GRID1: variants seen among roughly 807,000 people sequenced by gnomAD.
The protein encoded by GRID1 is glutamate ionotropic receptor delta type subunit 1, also known as glutamate receptor ionotropic, delta-1.
Under a neutral mutation model 98.0 loss-of-function variants are expected in GRID1, and 28 were observed. The ratio of observed to expected loss-of-function variants is 0.29; its 90% CI spans 0.21 to 0.39. GRID1 has a LOEUF of 0.39. Among genes scored for constraint, GRID1 ranks in the 10% least tolerant of loss-of-function variants. The probability of loss-of-function intolerance (pLI) is 1.00; values close to 1 mark genes in which losing one functional copy is unlikely to be tolerated. For missense variants in GRID1, 1,111 were observed against 1,340.5 expected (o/e 0.83, Z 2.67); for synonymous variants, 553 against 538.5 (o/e 1.03, Z -0.37).
intron 2 of GRID1, among the ~76,000 whole-genome samples, chr10:86,233,070 G>A (rs1004834535): frequency 2.2e-4 from 34 of 152,118 alleles, no homozygotes; most frequent in African/African-American, 8.2e-4. Context: ...CTTCAGCCAG[G>A]CCTTTGCAGG....
rs779461467 is a variant in GRID1, at chr10:85,602,613, G to A, written c.2690C>T (p.Ser897Leu). ...DIAHKQISPA[S>L]IELSALEMGG... ...CATCTCCAGGGCCGAGAGCTCAATCGACGCTGGGGAAATCTGCTTGTGAGC... is the reference window on the plus strand; with the variant it reads ...CATCTCCAGGGCCGAGAGCTCAATCAACGCTGGGGAAATCTGCTTGTGAGC... The change falls in exon 16 of 16, where the codon TCG (serine) becomes TTG (leucine). Residue 897 changes from serine (S) to leucine (L), a missense_variant. Physicochemically the swap from Ser to Leu is moderately radical, Grantham distance 145. This residue lies in a region of GRID1 where 762 missense variants were observed against 869.1 expected (regional missense o/e 0.88). Coordinates refer to ENST00000327946, the MANE Select transcript of GRID1 (RefSeq NM_017551.3). The A allele has an allele frequency of 1.9e-6, 3 of 1,614,032 alleles. No homozygotes were observed. Among genetic ancestry groups the A allele is most frequent in the South Asian group, 1.1e-5 (1 of 91,044 alleles).
chr10:86,058,186 C>A lies in GRID1; in HGVS notation c.726+80633G>T, dbSNP rs540852346. On this transcript the variant is annotated intron_variant, in intron 4 of 15. Transcript: ENST00000327946. ...CCCTGGGCCCCCCTTCCTCCCCCAGCCCTCCTATGGAAAGGAAGAGAGAAA... is the reference window on the plus strand; with the variant it reads ...CCCTGGGCCCCCCTTCCTCCCCCAGACCTCCTATGGAAAGGAAGAGAGAAA... Among the ~76,000 whole-genome samples, 4 of 152,198 alleles carry A rather than the reference C, an allele frequency of 2.6e-5. No individual in the cohort carries two copies. The East Asian group carries it at 5.8e-4, about 22-fold the overall frequency.
In GRID1 at chr10:85,958,475, T is replaced by A. The variant is rs549925701; in HGVS notation, c.727-42236A>T. Among the ~76,000 whole-genome samples the A allele has an allele frequency of 4.6e-4, 70 of 151,604 alleles. 2 individuals carry two copies. In the South Asian group the frequency reaches 0.015, roughly 32 times the overall value. On this transcript the variant is annotated intron_variant, in intron 4 of 15. Coordinates refer to ENST00000327946, the MANE Select transcript of GRID1 (RefSeq NM_017551.3). Reference sequence around the variant, plus strand: ...AATCTGAGTGTGTCTGTGAGGGTGTTTCTGGGTGAGATTAGCATTTGACTG... The same window carrying A: ...AATCTGAGTGTGTCTGTGAGGGTGTATCTGGGTGAGATTAGCATTTGACTG...
intron 4 of GRID1, among the ~76,000 whole-genome samples, chr10:86,112,873 G>A (rs949064155): frequency 6.6e-5 from 10 of 152,154 alleles, no homozygotes; most frequent in Non-Finnish European, 1.3e-4. Context: ...CTTTGGCTGA[G>A]GGATGCATGT....
rs60763093 is a variant in GRID1, at chr10:85,876,242, G to A, written c.781-7062C>T. On this transcript the variant is annotated intron_variant, in intron 5 of 15. Coordinates refer to ENST00000327946, the MANE Select transcript of GRID1 (RefSeq NM_017551.3). ...ATCCATTTCACTGGGCTGAAATCTC[G>A]GTGGTGGCCAGGATGCCCTCCTTTG... 3.7e-3 allele frequency among the ~76,000 whole-genome samples: 561 copies of A among 152,090 alleles called. 2 individuals carry two copies. The highest frequency in any genetic ancestry group is 0.012 in the African/African-American group (514 of 41,478).
intron 2 of GRID1, among the ~76,000 whole-genome samples, chr10:86,282,694 C>T (rs1455679859): frequency 1.3e-5 from 2 of 152,146 alleles, no homozygotes; most frequent in African/African-American, 4.8e-5. Context: ...TCACTAGACA[C>T]CCCCTAAATT....
At chr10:86,258,863 G>A (rs1373499002) in intron 2 of GRID1, among the ~76,000 whole-genome samples, 2 of 152,128 alleles carry the variant, frequency 1.3e-5, no homozygotes, top group Admixed American at 1.3e-4. Context: ...CCAATTACAG[G>A]GACACGATTT....
intron 8 of GRID1, among the ~76,000 whole-genome samples, chr10:85,833,495 G>T (rs567730321): frequency 2.0e-5 from 3 of 149,588 alleles, no homozygotes; most frequent in Admixed American, 6.7e-5. Context: ...AGACATGTGT[G>T]CTAAAACTAA....
intron 12 of GRID1, among the ~76,000 whole-genome samples, chr10:85,648,901 G>A (rs1468019987): frequency 6.6e-6 from 1 of 152,188 alleles, no homozygotes; most frequent in Admixed American, 6.5e-5. Context: ...AAGGGCTCTG[G>A]AGTCCAATTG....
chr10:86,175,893 G>C (rs977233779), intron 3 of GRID1, among the ~76,000 whole-genome samples: 2 of 152,226 alleles, frequency 1.3e-5, no homozygotes, highest in Non-Finnish European at 2.9e-5. Context: ...ATTTTTGGTA[G>C]AGACGGGGTT....
chr10:86,014,759 G>A (rs1043228033), intron 4 of GRID1, among the ~76,000 whole-genome samples: 2 of 152,186 alleles, frequency 1.3e-5, no homozygotes, highest in African/African-American at 4.8e-5. Context: ...TTCAGGCTGG[G>A]CACTATTCCC....
chr10:86,339,711 CAAG>C (rs1848283741), intron 2 of GRID1, among the ~76,000 whole-genome samples: 2 of 152,314 alleles, frequency 1.3e-5, no homozygotes, highest in South Asian at 4.1e-4. Context: ...AAAGTGACCT[CAAG>C]AGGAGGTGTC....
intron 4 of GRID1, among the ~76,000 whole-genome samples, chr10:86,087,285 G>A (rs1844073944): frequency 1.3e-5 from 2 of 151,970 alleles, no homozygotes; most frequent in Admixed American, 6.5e-5. Flanking sequence ...GTGTCTGTGT[G>A]TAATATGTTA....
chr10:86,324,789 AG>A (rs1421846505), intron 2 of GRID1, among the ~76,000 whole-genome samples: 2 of 152,178 alleles, frequency 1.3e-5, no homozygotes, highest in Middle Eastern at 3.2e-3. Context: ...AAAAAAAATG[AG>A]ATTTTTTTCA....
intron 4 of GRID1, among the ~76,000 whole-genome samples, chr10:86,079,091 G>A (rs1176593767): frequency 2.0e-5 from 3 of 152,222 alleles, no homozygotes; most frequent in African/African-American, 7.2e-5. Flanking sequence ...CAGACTCCCT[G>A]TTGTACCCAG....
In GRID1 at chr10:85,830,556, GC is replaced by G. The variant is rs550607728; in HGVS notation, c.1233+23939del. Among the ~76,000 whole-genome samples, 717 of 151,550 alleles carry G rather than the reference GC, an allele frequency of 4.7e-3. 12 individuals carry two copies. In the South Asian group the frequency reaches 0.063, roughly 13 times the overall value. On this transcript the variant is annotated intron_variant, in intron 8 of 15. Coordinates refer to ENST00000327946, the MANE Select transcript of GRID1 (RefSeq NM_017551.3). ...GTGGGAGAAAAATTTTGCAAACTAT[GC>G]AAACTATGCATCCAATAAAGGTCTA...
At chr10:86,039,838 T>C (rs928968304) in intron 4 of GRID1, among the ~76,000 whole-genome samples, 1 of 152,234 alleles carries the variant, frequency 6.6e-6, no homozygotes, top group African/African-American at 2.4e-5. Context: ...CTTGTATGTA[T>C]GCTTCTGAAT....
intron 5 of GRID1, among the ~76,000 whole-genome samples, chr10:85,897,368 G>A (rs139022724): frequency 1.6e-3 from 250 of 152,306 alleles, no homozygotes; most frequent in African/African-American, 5.6e-3. Flanking sequence ...GAAGTTCTCT[G>A]TGGCTTGGAG....
At chr10:86,137,250 T>G (rs1242850120) in intron 4 of GRID1, among the ~76,000 whole-genome samples, 1 of 152,270 alleles carries the variant, frequency 6.6e-6, no homozygotes, top group Non-Finnish European at 1.5e-5. Context: ...AAAAGCTATA[T>G]GCTAAATGCT....
Sources: allele counts gnomAD v4.1 joint callset (sites outside exome capture counted in the v4.1 genomes callset), GRCh38; gene constraint gnomAD v4.1.1; regional missense constraint gnomAD v4.1.1; transcripts MANE v1.5; gene names NCBI Gene and HGNC (gene_info 2026-07-23, HGNC 2026-07-21).